MTCL1: variants seen among roughly 807,000 people sequenced by gnomAD.
MTCL1 encodes microtubule crosslinking factor 1.
In MTCL1, 79 loss-of-function variants were observed where a neutral mutation model predicts 141.4. That is an observed-to-expected ratio of 0.56 (90% CI 0.47 to 0.67). MTCL1 has a LOEUF of 0.67. Among genes scored for constraint, MTCL1 ranks in the 30% least tolerant of loss-of-function variants. The pLI is 0.00. For missense variants in MTCL1, 2,177 were observed against 2,113.9 expected (o/e 1.03, Z -0.59); for synonymous variants, 914 against 875.8 (o/e 1.04, Z -0.77).
exon 15 of MTCL1, chr18:8,824,839 A>G (rs756561625): frequency 6.2e-7 from 1 of 1,614,098 alleles, no homozygotes; most frequent in Non-Finnish European, 8.5e-7. Flanking sequence ...AAGTACATCG[A>G]GGAGTTCAAC....
chr18:8,741,297 G>A (rs531039892), intron 4 of MTCL1, among the ~76,000 whole-genome samples: 4 of 152,266 alleles, frequency 2.6e-5, no homozygotes, highest in African/African-American at 7.2e-5. Context: ...TTTCCCTGCC[G>A]TCCATGTGGA....
At chr18:8,823,036 A>G (rs1255832804) in intron 14 of MTCL1, among the ~76,000 whole-genome samples, 1 of 150,294 alleles carries the variant, frequency 6.7e-6, no homozygotes, top group Non-Finnish European at 1.5e-5. Flanking sequence ...AAAAAAAAAA[A>G]GATAGATAGA....
intron 11 of MTCL1, chr18:8,809,723 C>T (rs1439306379): frequency 4.9e-5 from 56 of 1,139,032 alleles, no homozygotes; most frequent in Non-Finnish European, 5.9e-5. Context: ...GTTTCTAGTA[C>T]GGGTGCCTGG....
intron 4 of MTCL1, among the ~76,000 whole-genome samples, chr18:8,738,636 C>T (rs1368568975): frequency 6.6e-6 from 1 of 152,148 alleles, no homozygotes; most frequent in Non-Finnish European, 1.5e-5. Context: ...AGTTTCTCTT[C>T]CTTTTCCTCC....
At chr18:8,748,291 G>A (rs947623366) in intron 4 of MTCL1, among the ~76,000 whole-genome samples, 1 of 152,032 alleles carries the variant, frequency 6.6e-6, no homozygotes, top group African/African-American at 2.4e-5. Context: ...AAATATATTC[G>A]TATATTAGTA....
At position 8,784,773 on chromosome 18, in the gene MTCL1, C is replaced by G. The variant is rs758141949; in HGVS notation, c.1661C>G (p.Ser554Cys). ...CTCACAGAGTCCTCTAGCTTCCTCT[C>G]CACTGTGACTTCCGTGTCCCGGGAC... is the stretch of plus-strand genomic sequence containing the variant. The change falls in exon 6 of 17, where the codon TCC becomes TGC. Residue 554 changes from serine (S) to cysteine (C), a missense_variant. By Grantham distance (112) the Ser-to-Cys change is moderately radical. Transcript: ENST00000359865. 1.9e-6 allele frequency: 3 copies of G among 1,613,798 alleles called. No individual in the cohort carries two copies. The highest frequency in any genetic ancestry group is 3.3e-5 in the Admixed American group (2 of 59,986).
chr18:8,824,838 G>A (rs750873401), exon 15 of MTCL1: 9 of 1,613,964 alleles, frequency 5.6e-6, no homozygotes, highest in Admixed American at 3.3e-5. Flanking sequence ...CAAGTACATC[G>A]AGGAGTTCAA....
chr18:8,831,540 TG>T, intron 16 of MTCL1, 66 bp from the exon 15 acceptor site: 3 of 1,529,928 alleles, frequency 2.0e-6, no homozygotes, highest in Non-Finnish European at 2.6e-6. Flanking sequence ...GAAGTGTGTT[TG>T]GGGGAATCAT....
rs371815051 is a variant in MTCL1 at position 8,824,851 on chromosome 18, A to G, written c.3341A>G (p.Lys1114Arg). ...CTCAAGTACATCGAGGAGTTCAACA[A>G]GAGCTGGGACTACACACCCAACAGG... The change falls in exon 15 of 17, where the codon AAG (lysine) becomes AGG (arginine). Residue 1114 changes from lysine to arginine, a missense_variant. Coordinates refer to ENST00000359865, the Ensembl canonical transcript of MTCL1. The G allele has an allele frequency of 1.9e-6, 3 of 1,613,970 alleles. No individual in the cohort carries two copies. In the African/African-American group the frequency reaches 4.0e-5, roughly 22 times the overall value.
exon 6 of MTCL1, chr18:8,783,933 T>C (rs775411721): frequency 1.2e-6 from 2 of 1,613,398 alleles, no homozygotes; most frequent in Non-Finnish European, 1.7e-6. Context: ...TCCACTGAGC[T>C]CCGCCGCCAC....
intron 8 of MTCL1, among the ~76,000 whole-genome samples, chr18:8,794,515 G>A (rs12326614): frequency 0.4 from 60,817 of 151,788 alleles, 12,558 homozygotes; most frequent in East Asian, 0.59. Context: ...GCTGCCTCCC[G>A]TGGTGCGGGT....
At chr18:8,787,159 G>A (rs1291681078) in intron 7 of MTCL1, 3 of 152,286 alleles carry the variant, frequency 2.0e-5, no homozygotes, top group Non-Finnish European at 4.4e-5. Flanking sequence ...CATAGCTTCA[G>A]AAACTGGGAG....
chr18:8,780,500 G>A (rs2143409284), intron 5 of MTCL1, among the ~76,000 whole-genome samples: 1 of 152,370 alleles, frequency 6.6e-6, no homozygotes, highest in African/African-American at 2.4e-5. Context: ...TGCCCTCTGT[G>A]ATCTCTGCTG....
rs539654146 is a variant in MTCL1, at chr18:8,831,596, C to T, written c.*19-11C>T. 15 of 1,549,716 alleles carry T rather than the reference C, an allele frequency of 9.7e-6. No homozygotes were observed. Among genetic ancestry groups the T allele is most frequent in the Middle Eastern group, 1.7e-4 (1 of 5,990 alleles). On this transcript the variant is annotated splice_polypyrimidine_tract_variant and intron_variant, in intron 16 of 16. Transcript: ENST00000359865. ...TCTGAGTAACCCTGTCTCCCTTTCT[C>T]GGCTCTGAAGGAACTACCTTGTTCT...
At chr18:8,728,317 C>G (rs2096229546) in intron 4 of MTCL1, among the ~76,000 whole-genome samples, 1 of 152,004 alleles carries the variant, frequency 6.6e-6, no homozygotes, top group African/African-American at 2.4e-5. Flanking sequence ...TTTCAGTTAG[C>G]AGTATTGCTT....
intron 4 of MTCL1, among the ~76,000 whole-genome samples, chr18:8,727,456 C>G (rs1398790491): frequency 6.6e-6 from 1 of 152,094 alleles, no homozygotes; most frequent in African/African-American, 2.4e-5. Flanking sequence ...CCAACATCTG[C>G]TGTTTTTTGA....
At chr18:8,749,394 C>T (rs962743749) in intron 4 of MTCL1, among the ~76,000 whole-genome samples, 2 of 152,176 alleles carry the variant, frequency 1.3e-5, no homozygotes, top group African/African-American at 4.8e-5. Context: ...AGGCTGGCTG[C>T]GGACGGACCA....
chr18:8,766,122 G>A (rs2096458488), intron 4 of MTCL1, among the ~76,000 whole-genome samples: 1 of 152,224 alleles, frequency 6.6e-6, no homozygotes, highest in African/African-American at 2.4e-5. Flanking sequence ...TCATAGATTG[G>A]TGTCATTTAG....
At chr18:8,801,665 G>A (rs62086625) in intron 10 of MTCL1, 8,661 of 152,308 alleles carry the variant, frequency 0.057, 317 homozygotes, top group Middle Eastern at 0.12. Flanking sequence ...TCCAAAGTGC[G>A]TAACTAAGCC....
Sources: gnomAD v4.1 joint callset for allele counts (sites outside exome capture counted in the v4.1 genomes callset) on GRCh38, gnomAD v4.1.1 for gene constraint, MANE v1.5 for transcripts, NCBI Gene and HGNC (gene_info 2026-07-23, HGNC 2026-07-21) for gene names.